SLC24A3: variants seen among roughly 807,000 people sequenced by gnomAD.
SLC24A3 encodes solute carrier family 24 member 3.
Under a neutral mutation model 75.8 loss-of-function variants are expected in SLC24A3, and 28 were observed. The ratio of observed to expected loss-of-function variants is 0.37; its 90% CI spans 0.27 to 0.51. The LOEUF (loss-of-function observed/expected upper bound fraction) is 0.51, where lower values mean the gene tolerates loss of function less well. SLC24A3 is among the 20% of genes least tolerant of loss of function. The probability of loss-of-function intolerance (pLI) is 0.94; values close to 1 mark genes in which losing one functional copy is unlikely to be tolerated. For missense variants in SLC24A3, 663 were observed against 847.8 expected, an observed-to-expected ratio of 0.78 and a Z score of 2.71; for synonymous variants, 372 against 334.1, an observed-to-expected ratio of 1.11 and a Z score of -1.24.
chr20:19,634,889 T>G (rs1600313088), intron 6 of SLC24A3, among the ~76,000 whole-genome samples: 1 of 152,316 alleles, frequency 6.6e-6, no homozygotes, highest in East Asian at 1.9e-4. Flanking sequence ...CGCAAAAATT[T>G]TATTTAAAAA....
intron 2 of SLC24A3, among the ~76,000 whole-genome samples, chr20:19,388,755 A>G (rs1049048289): frequency 1.3e-5 from 2 of 152,066 alleles, no homozygotes; most frequent in African/African-American, 4.8e-5. Flanking sequence ...TTTCACTTTC[A>G]GCCTATGCGT....
At chr20:19,589,830 G>T (rs1446294834) in intron 6 of SLC24A3, among the ~76,000 whole-genome samples, 1 of 152,092 alleles carries the variant, frequency 6.6e-6, no homozygotes, top group African/African-American at 2.4e-5. Context: ...GCAAGGAAAT[G>T]GATACTGGGG....
chr20:19,532,486 G>A (rs1159910969), intron 3 of SLC24A3, among the ~76,000 whole-genome samples: 2 of 152,220 alleles, frequency 1.3e-5, no homozygotes, highest in South Asian at 2.1e-4. Flanking sequence ...GTCTCTCCTG[G>A]AGGAGAATTC....
chr20:19,574,483 C>T (rs1175349209), intron 3 of SLC24A3, among the ~76,000 whole-genome samples: 1 of 152,188 alleles, frequency 6.6e-6, no homozygotes, highest in Non-Finnish European at 1.5e-5. Flanking sequence ...AACTGTTGAA[C>T]TTGAACTGGG....
At chr20:19,526,495 A>G (rs1434573023) in intron 3 of SLC24A3, among the ~76,000 whole-genome samples, 2 of 152,198 alleles carry the variant, frequency 1.3e-5, no homozygotes, top group Admixed American at 6.5e-5. Context: ...GGATCAGGCT[A>G]TGGTCACTTC....
At chr20:19,239,431 C>T (rs1274447092) in intron 1 of SLC24A3, among the ~76,000 whole-genome samples, 2 of 152,230 alleles carry the variant, frequency 1.3e-5, no homozygotes, top group African/African-American at 4.8e-5. Flanking sequence ...AGATGGGGAA[C>T]AGGGCTCGCT....
chr20:19,243,472 A>C (rs1399220759), intron 1 of SLC24A3, among the ~76,000 whole-genome samples: 3 of 152,246 alleles, frequency 2.0e-5, no homozygotes, highest in African/African-American at 7.2e-5. Context: ...ATGGAAGTTA[A>C]CATTTTTCCT....
intron 15 of SLC24A3, among the ~76,000 whole-genome samples, chr20:19,703,985 C>T (rs893182728): frequency 7.9e-5 from 12 of 152,198 alleles, no homozygotes; most frequent in Non-Finnish European, 1.6e-4. Context: ...CTGTGTTCAG[C>T]AGTTCTCATC....
At chr20:19,617,643 G>T (rs556499495) in intron 6 of SLC24A3, among the ~76,000 whole-genome samples, 3 of 152,152 alleles carry the variant, frequency 2.0e-5, no homozygotes. Context: ...GGGCGGCTTG[G>T]GCTTTCTTTC....
In SLC24A3 at chr20:19,369,976, C is replaced by G. The variant is rs1056009808; in HGVS notation, c.271+88889C>G. 2.0e-5 allele frequency among the ~76,000 whole-genome samples: 3 copies of G among 152,236 alleles called. No homozygotes were observed. The South Asian group carries it at 6.2e-4, about 32-fold the overall frequency. ...AGCCACTGCACCCGACTGAAATGTT[C>G]TGTATCTTGACTGGGATGTGGGTTA... On this transcript the variant is annotated intron_variant, in intron 2 of 16. Coordinates refer to ENST00000328041, the MANE Select transcript of SLC24A3 (RefSeq NM_020689.4).
At chr20:19,441,488 G>A (rs1032046026) in intron 2 of SLC24A3, among the ~76,000 whole-genome samples, 1 of 152,142 alleles carries the variant, frequency 6.6e-6, no homozygotes, top group Non-Finnish European at 1.5e-5. Flanking sequence ...TATATTTAAT[G>A]TTTATTTGAG....
chr20:19,363,115 T>G (rs1181721474), intron 2 of SLC24A3, among the ~76,000 whole-genome samples: 1 of 152,216 alleles, frequency 6.6e-6, no homozygotes, highest in Non-Finnish European at 1.5e-5. Context: ...TTGCACGTCC[T>G]GCTGCTCGTC....
intron 9 of SLC24A3, 126 bp from the exon 10 acceptor site, chr20:19,681,732 C>G: frequency 6.9e-7 from 1 of 1,456,706 alleles, no homozygotes; most frequent in South Asian, 1.2e-5. Context: ...AATTAGAACA[C>G]TAATAACTTG....
chr20:19,344,303 G>T (rs1421759316), intron 2 of SLC24A3, among the ~76,000 whole-genome samples: 1 of 152,172 alleles, frequency 6.6e-6, no homozygotes, highest in Non-Finnish European at 1.5e-5. Flanking sequence ...GTTTCTAGTG[G>T]ATATGATACT....
intron 2 of SLC24A3, among the ~76,000 whole-genome samples, chr20:19,463,782 G>A (rs1252175752): frequency 2.0e-5 from 3 of 152,232 alleles, no homozygotes; most frequent in African/African-American, 7.2e-5. Context: ...TGAGAAAGCA[G>A]GGACAGGATG....
At chr20:19,654,355 C>G (rs1472557699) in intron 7 of SLC24A3, among the ~76,000 whole-genome samples, 1 of 152,130 alleles carries the variant, frequency 6.6e-6, no homozygotes, top group Non-Finnish European at 1.5e-5. Flanking sequence ...CTTGGGTTAT[C>G]TGGGTCTATG....
At chr20:19,616,489 T>C (rs1057047119) in intron 6 of SLC24A3, among the ~76,000 whole-genome samples, 4 of 152,162 alleles carry the variant, frequency 2.6e-5, no homozygotes, top group African/African-American at 9.7e-5. Flanking sequence ...GGGTGAGTGC[T>C]TGACAATTTT....
chr20:19,285,886 C>G (rs1983803777), intron 2 of SLC24A3, among the ~76,000 whole-genome samples: 1 of 152,154 alleles, frequency 6.6e-6, no homozygotes, highest in African/African-American at 2.4e-5. Context: ...GTGCACTTTA[C>G]AGAATTTTAT....
intron 6 of SLC24A3, among the ~76,000 whole-genome samples, chr20:19,641,326 C>A (rs1041527706): frequency 6.6e-6 from 1 of 152,204 alleles, no homozygotes; most frequent in South Asian, 2.1e-4. Context: ...CCCCAAGCCT[C>A]TGAGTCTTCC....
Sources: allele counts gnomAD v4.1 joint callset (sites outside exome capture counted in the v4.1 genomes callset), GRCh38; gene constraint gnomAD v4.1.1; transcripts MANE v1.5; gene names NCBI Gene and HGNC (gene_info 2026-07-23, HGNC 2026-07-21).